The following RAPGEF6 variants were observed in gnomAD, a reference collection of about 807,000 sequenced individuals.
RAPGEF6 encodes the protein Rap guanine nucleotide exchange factor 6.
In RAPGEF6, 56 loss-of-function variants were observed where a neutral mutation model predicts 171.4. That is an observed-to-expected ratio of 0.33 (90% CI 0.26 to 0.41). RAPGEF6 has a LOEUF of 0.41. Among genes scored for constraint, RAPGEF6 ranks in the 10% least tolerant of loss-of-function variants. The pLI is 1.00. For missense variants in RAPGEF6, 1,674 were observed against 1,921.4 expected (o/e 0.87, Z 2.41); for synonymous variants, 692 against 650.1 (o/e 1.06, Z -0.98).
intron 13 of RAPGEF6, among the ~76,000 whole-genome samples, chr5:131,493,134 G>A (rs905659832): frequency 2.6e-5 from 4 of 152,128 alleles, no homozygotes; most frequent in South Asian, 2.1e-4. Context: ...GCGCGATCTC[G>A]ACTCACTGCA....
intron 15 of RAPGEF6, among the ~76,000 whole-genome samples, chr5:131,480,730 C>T (rs888005344): frequency 2.6e-5 from 4 of 152,122 alleles, no homozygotes; most frequent in African/African-American, 9.7e-5. Flanking sequence ...TCGCCCACCT[C>T]GGCCTCCCAA....
intron 19 of RAPGEF6, among the ~76,000 whole-genome samples, chr5:131,458,258 C>T (rs550824677): frequency 1.1e-4 from 16 of 152,262 alleles, no homozygotes; most frequent in South Asian, 4.1e-4. Context: ...ATTTCCCCTA[C>T]GCTGTTCTCA....
chr5:131,583,647 T>C (rs922597864), intron 4 of RAPGEF6, among the ~76,000 whole-genome samples: 16 of 152,168 alleles, frequency 1.1e-4, no homozygotes, highest in Non-Finnish European at 2.9e-5. Flanking sequence ...ACATACTGAT[T>C]TGTGTCTTTG....
intron 7 of RAPGEF6, among the ~76,000 whole-genome samples, chr5:131,511,846 AGAG>A (rs1355326026): frequency 2.0e-5 from 3 of 152,096 alleles, no homozygotes; most frequent in Non-Finnish European, 4.4e-5. Flanking sequence ...TCTTAAACCC[AGAG>A]ATTACAGTGG....
intron 1 of RAPGEF6, among the ~76,000 whole-genome samples, chr5:131,634,701 C>T (rs977439411): frequency 6.6e-6 from 1 of 152,118 alleles, no homozygotes; most frequent in Admixed American, 6.5e-5. Context: ...GAAAATACGA[C>T]TTAGTAATGG....
At chr5:131,430,507 CCAAA>C (rs1751632698) in intron 26 of RAPGEF6, among the ~76,000 whole-genome samples, 1 of 152,116 alleles carries the variant, frequency 6.6e-6, no homozygotes, top group South Asian at 2.1e-4. Flanking sequence ...CAATTGTGGT[CCAAA>C]CAATTTATGA....
chr5:131,498,643 ACAAATGACC>A, intron 11 of RAPGEF6, 36 bp from the exon 12 acceptor site: 1 of 1,581,782 alleles, frequency 6.3e-7, no homozygotes, highest in Non-Finnish European at 8.6e-7. Flanking sequence ...TAGAAAATAA[ACAAATGACC>A]CAAGAACCAA....
At chr5:131,574,366 C>T (rs1210159044) in intron 4 of RAPGEF6, among the ~76,000 whole-genome samples, 2 of 152,172 alleles carry the variant, frequency 1.3e-5, no homozygotes, top group Non-Finnish European at 1.5e-5. Flanking sequence ...TGGAAGACCC[C>T]TGGACCATCA....
intron 5 of RAPGEF6, among the ~76,000 whole-genome samples, chr5:131,555,037 G>T (rs913269536): frequency 3.3e-5 from 5 of 152,104 alleles, no homozygotes; most frequent in African/African-American, 1.2e-4. Context: ...AAATAGAAAA[G>T]TCTTTCCAGG....
At chr5:131,487,770 C>T (rs1373015231) in intron 15 of RAPGEF6, among the ~76,000 whole-genome samples, 1 of 152,166 alleles carries the variant, frequency 6.6e-6, no homozygotes, top group Non-Finnish European at 1.5e-5. Flanking sequence ...CACAGGTTTC[C>T]TTTTTGTAGG....
At chr5:131,579,122 C>T (rs1366785586) in intron 4 of RAPGEF6, among the ~76,000 whole-genome samples, 3 of 152,084 alleles carry the variant, frequency 2.0e-5, no homozygotes, top group African/African-American at 4.8e-5. Context: ...CAGGCCTTCG[C>T]GGTGAGTGTT....
chr5:131,433,628 T>C lies in RAPGEF6; in HGVS notation c.3776A>G (p.Asp1259Gly). The change falls in exon 25 of 28, where the codon GAC becomes GGC. Residue 1259 changes from aspartate (D) to glycine (G), a missense_variant. Physicochemically the swap from Asp to Gly is moderately conservative, Grantham distance 94 (BLOSUM62 -1). Transcript: ENST00000509018. Reference sequence around the variant, plus strand: ...ACTATGGCTGGAGTCAGACAAGTTGTCAGATTTAGCTGATGGAATAAGTGT... The same window carrying C: ...ACTATGGCTGGAGTCAGACAAGTTGCCAGATTTAGCTGATGGAATAAGTGT... ...GYTLIPSAKS[D>G]NLSDSSHSEI... is the part of the protein sequence containing the mutation. 6.2e-7 allele frequency: 1 copy of C among 1,612,504 alleles called. No homozygotes were observed. Among genetic ancestry groups the C allele is most frequent in the Non-Finnish European group, 8.5e-7 (1 of 1,178,744 alleles).
chr5:131,528,317 A>AT lies in RAPGEF6; in HGVS notation c.496-6797dup, dbSNP rs1415394364. Among the ~76,000 whole-genome samples the AT allele has an allele frequency of 4.5e-5, 2 of 44,298 alleles. 1 individual carries two copies. Among genetic ancestry groups the AT allele is most frequent in the African/African-American group, 1.5e-4 (2 of 12,936 alleles). The allele number at this position is 44,298 out of a possible 152,430, so 29.1% of individuals were successfully genotyped here. A position where few individuals can be genotyped will look rare whatever the true frequency, so the allele number is the denominator to read the frequency against. ...AAATAAAATAATATATTTATATTAT[A>AT]TATATATATATATATATATATACAC... On this transcript the variant is annotated intron_variant, in intron 6 of 27. Coordinates refer to ENST00000509018, the MANE Select transcript of RAPGEF6 (RefSeq NM_016340.6).
At chr5:131,458,636 A>G (rs1332428576) in intron 19 of RAPGEF6, among the ~76,000 whole-genome samples, 1 of 152,196 alleles carries the variant, frequency 6.6e-6, no homozygotes, top group Non-Finnish European at 1.5e-5. Context: ...TGTAATCTCA[A>G]TGAAAACATC....
intron 6 of RAPGEF6, among the ~76,000 whole-genome samples, chr5:131,542,348 CA>C (rs1385043968): frequency 6.6e-6 from 1 of 152,124 alleles, no homozygotes; most frequent in African/African-American, 2.4e-5. Flanking sequence ...AGACACTAGG[CA>C]GAGCCCTTTT....
intron 2 of RAPGEF6, among the ~76,000 whole-genome samples, chr5:131,603,931 G>A (rs1764397007): frequency 6.6e-6 from 1 of 152,040 alleles, no homozygotes; most frequent in South Asian, 2.1e-4. Flanking sequence ...GCTGTTCGTG[G>A]TGGGAACACA....
intron 7 of RAPGEF6, among the ~76,000 whole-genome samples, chr5:131,511,650 C>A (rs970472712): frequency 2.0e-5 from 3 of 151,966 alleles, no homozygotes; most frequent in Admixed American, 2.0e-4. Flanking sequence ...GTATGCACCA[C>A]CCTACCCAAC....
At chr5:131,525,128 G>A (rs999273073) in intron 6 of RAPGEF6, among the ~76,000 whole-genome samples, 3 of 151,968 alleles carry the variant, frequency 2.0e-5, no homozygotes, top group Admixed American at 2.0e-4. Context: ...CAAAATACAC[G>A]AAAACAGAAC....
Position 131,457,397 on chromosome 5 carries a change from C to T in RAPGEF6, c.2865-1385G>A, listed in dbSNP as rs146968621. ...ACAATCCTTTATTTGGCATAGCACA[C>T]AGTGATACACTTTGGTACAAATCTG... On this transcript the variant is annotated intron_variant, in intron 19 of 27. Coordinates refer to ENST00000509018, the MANE Select transcript of RAPGEF6 (RefSeq NM_016340.6). 5.3e-4 allele frequency among the ~76,000 whole-genome samples: 80 copies of T among 152,272 alleles called. No individual in the cohort carries two copies. In the East Asian group the frequency reaches 7.1e-3, roughly 14 times the overall value.
Sources: allele counts gnomAD v4.1 joint callset (sites outside exome capture counted in the v4.1 genomes callset), GRCh38; gene constraint gnomAD v4.1.1; transcripts MANE v1.5; gene names NCBI Gene and HGNC (gene_info 2026-07-23, HGNC 2026-07-21).